MEAK7: variants seen among roughly 807,000 people sequenced by gnomAD.
MEAK7 encodes MTOR associated protein MEAK7, also known as MTOR-associated protein MEAK7.
MEAK7 carries 68 observed loss-of-function variants against 40.5 expected under a neutral mutation model. The ratio of observed to expected loss-of-function variants is 1.68; its 90% CI spans 1.38 to 2.06. MEAK7 has a LOEUF of 2.06. MEAK7 is among the 30% of genes most tolerant of loss of function. MEAK7 has a pLI of 0.00. For missense variants in MEAK7, 918 were observed against 580.5 expected, an observed-to-expected ratio of 1.58 and a Z score of -5.98; for synonymous variants, 338 against 231.9, an observed-to-expected ratio of 1.46 and a Z score of -4.16.
chr16:84,500,667 C>T (rs1914423637), intron 1 of MEAK7, among the ~76,000 whole-genome samples: 1 of 152,176 alleles, frequency 6.6e-6, no homozygotes, highest in South Asian at 2.1e-4. Context: ...TTCCACTCCT[C>T]ACGTTTCGCA....
chr16:84,501,417 A>G (rs1914496112), intron 1 of MEAK7, among the ~76,000 whole-genome samples: 1 of 152,038 alleles, frequency 6.6e-6, no homozygotes, highest in Non-Finnish European at 1.5e-5. Context: ...CCCAACTCCC[A>G]CTTTCTGCCA....
chr16:84,501,530 G>T (rs562096960), intron 1 of MEAK7, among the ~76,000 whole-genome samples: 1 of 152,310 alleles, frequency 6.6e-6, no homozygotes, highest in African/African-American at 2.4e-5. Flanking sequence ...GGCTGGGCAA[G>T]TGCCAACAGG....
intron 3 of MEAK7, among the ~76,000 whole-genome samples, chr16:84,493,310 C>A (rs1370118792): frequency 6.6e-6 from 1 of 152,156 alleles, no homozygotes; most frequent in Non-Finnish European, 1.5e-5. Context: ...AGTTTATAGT[C>A]AGCTATAGAA....
At position 84,479,521 on chromosome 16, in the gene MEAK7, TCC is replaced by T. The variant is rs1912323312; in HGVS notation, c.*390_*391del. Reference sequence around the variant, plus strand: ...CGGAATTCCCTAATGCCAGCGGAATTCCCTAATGCCAGCGGAATTCCCTAATG... The same window carrying T: ...CGGAATTCCCTAATGCCAGCGGAATTCTAATGCCAGCGGAATTCCCTAATG... On this transcript the variant is annotated 3_prime_UTR_variant, in exon 8 of 8. Coordinates refer to ENST00000343629, the MANE Select transcript of MEAK7 (RefSeq NM_020947.4). 6.8e-6 allele frequency: 1 copy of T among 146,544 alleles called. No homozygotes were observed. 9.1% of individuals were successfully genotyped at this position (146,544 alleles called of 1,614,324 possible).
intron 1 of MEAK7, among the ~76,000 whole-genome samples, chr16:84,503,578 T>C (rs1303745293): frequency 1.3e-5 from 2 of 152,206 alleles, no homozygotes; most frequent in African/African-American, 2.4e-5. Context: ...ATTAATTAAT[T>C]TCTTTAACAT....
At chr16:84,488,705 A>G (rs537519037) in intron 4 of MEAK7, among the ~76,000 whole-genome samples, 2 of 152,354 alleles carry the variant, frequency 1.3e-5, no homozygotes, top group Non-Finnish European at 2.9e-5. Context: ...AGGCCAAATG[A>G]AAAAATCCTA....
chr16:84,483,770 C>G (rs1043650054), intron 5 of MEAK7, among the ~76,000 whole-genome samples: 2 of 152,158 alleles, frequency 1.3e-5, no homozygotes, highest in Admixed American at 6.5e-5. Context: ...GAGGGAGGCC[C>G]TGAAACAGAG....
chr16:84,486,536 G>A, intron 5 of MEAK7, 95 bp downstream of exon 5: 2 of 1,490,742 alleles, frequency 1.3e-6, no homozygotes, highest in Non-Finnish European at 1.8e-6. Context: ...GGAGAAGATG[G>A]GAGAGCCCTA....
chr16:84,484,034 T>G (rs982269410), intron 5 of MEAK7, among the ~76,000 whole-genome samples: 4 of 152,202 alleles, frequency 2.6e-5, no homozygotes, highest in Non-Finnish European at 5.9e-5. Flanking sequence ...CACACCCGTC[T>G]GCACTGCCCC....
At chr16:84,497,573 C>T (rs1914152567) in intron 2 of MEAK7, 2 of 1,301,102 alleles carry the variant, frequency 1.5e-6, no homozygotes, top group African/African-American at 3.0e-5. Flanking sequence ...TATCTCTCTC[C>T]TCTGATGTTC....
chr16:84,495,876 G>T lies in MEAK7; in HGVS notation c.191C>A (p.Thr64Asn). 6.2e-7 allele frequency: 1 copy of T among 1,614,076 alleles called. No homozygotes were observed. The highest frequency in any genetic ancestry group is 8.5e-7 in the Non-Finnish European group (1 of 1,180,026). The change falls in exon 3 of 8, where the codon ACC becomes AAC. Residue 64 changes from threonine (T) to asparagine (N), a missense_variant. Physicochemically the swap from Thr to Asn is moderately conservative, Grantham distance 65. Transcript: ENST00000343629. ...VGEALPPEMVTRLYDGMRRVD... is the reference protein window; with the variant it reads ...VGEALPPEMVNRLYDGMRRVD... ...CCTCCGCATGCCATCATACAGCCTG[G>T]TGACCATCTCTGGGGGAAGAGCTTC...
In MEAK7 at chr16:84,495,630, G is replaced by A. The variant is rs576582224; in HGVS notation, c.384+53C>T. The A allele has an allele frequency of 1.4e-5, 22 of 1,570,880 alleles. No homozygotes were observed. In the East Asian group the frequency reaches 2.0e-4, roughly 14 times the overall value. On this transcript the variant is annotated intron_variant, in intron 3 of 7. Coordinates refer to ENST00000343629, the MANE Select transcript of MEAK7 (RefSeq NM_020947.4). Reference sequence around the variant, plus strand: ...TGTAACTGGCCTCCATCCCCCCACCGATGGTCACCAAGACTGCTGAGGAGG... The same window carrying A: ...TGTAACTGGCCTCCATCCCCCCACCAATGGTCACCAAGACTGCTGAGGAGG...
chr16:84,500,970 C>T (rs1240389591), intron 1 of MEAK7, among the ~76,000 whole-genome samples: 2 of 152,038 alleles, frequency 1.3e-5, no homozygotes, highest in Non-Finnish European at 2.9e-5. Context: ...TGCTGTGCAC[C>T]TGTAATCCCA....
chr16:84,482,474 T>A, intron 6 of MEAK7, 118 bp downstream of exon 6: 1 of 1,509,458 alleles, frequency 6.6e-7, no homozygotes, highest in Admixed American at 1.8e-5. Flanking sequence ...GGACATGGCG[T>A]GCGTGAGGAA....
intron 1 of MEAK7, among the ~76,000 whole-genome samples, chr16:84,503,617 C>T (rs75713217): frequency 0.012 from 1,753 of 152,186 alleles, 11 homozygotes; most frequent in Middle Eastern, 0.031. Flanking sequence ...TAAGGTAACC[C>T]AGGGCATTTG....
chr16:84,491,551 A>C (rs1030099548), intron 3 of MEAK7, among the ~76,000 whole-genome samples: 3 of 150,130 alleles, frequency 2.0e-5, no homozygotes, highest in African/African-American at 7.4e-5. Flanking sequence ...AAAAAAAAAA[A>C]AAAACGTCTG....
At chr16:84,489,042 G>A (rs1368765410) in intron 4 of MEAK7, among the ~76,000 whole-genome samples, 11 of 152,166 alleles carry the variant, frequency 7.2e-5, no homozygotes, top group Admixed American at 7.2e-4. Flanking sequence ...TAGACTAAGA[G>A]GAAAAAGGGA....
chr16:84,493,002 T>C (rs1303621524), intron 3 of MEAK7, among the ~76,000 whole-genome samples: 1 of 152,202 alleles, frequency 6.6e-6, no homozygotes, highest in African/African-American at 2.4e-5. Flanking sequence ...AAGGGAGACA[T>C]ATTGGGCTTA....
At chr16:84,487,940 C>G (rs1338035112) in intron 4 of MEAK7, 1 of 152,130 alleles carries the variant, frequency 6.6e-6, no homozygotes, top group Non-Finnish European at 1.5e-5. Flanking sequence ...CACAAAGGCC[C>G]CATTTACAGA....
Sources: gnomAD v4.1 joint callset for allele counts (sites outside exome capture counted in the v4.1 genomes callset) on GRCh38, gnomAD v4.1.1 for gene constraint, MANE v1.5 for transcripts, NCBI Gene and HGNC (gene_info 2026-07-23, HGNC 2026-07-21) for gene names.